The following MAD2L1BP variants were observed in gnomAD, a reference collection of about 807,000 sequenced individuals.
The protein encoded by MAD2L1BP is MAD2L1-binding protein.
MAD2L1BP carries 22 observed loss-of-function variants against 28.4 expected under a neutral mutation model. The ratio of observed to expected loss-of-function variants is 0.77; its 90% CI spans 0.55 to 1.10. The LOEUF is 1.10. MAD2L1BP is among the 50% of genes least tolerant of loss of function. The pLI is 0.00. For synonymous variants in MAD2L1BP, 146 were observed against 133.7 expected (o/e 1.09, Z -0.63); for missense variants, 325 against 350.5 (o/e 0.93, Z 0.58).
chr6:43,629,810 T>G (rs1160620578), intron 1 of MAD2L1BP: 19 of 1,555,490 alleles, frequency 1.2e-5, no homozygotes, highest in Non-Finnish European at 1.6e-5. Flanking sequence ...GGATGGTGAT[T>G]AGCCAAATTA....
chr6:43,634,306 G>A (rs1432407850), upstream of MAD2L1BP, among the ~76,000 whole-genome samples: 1 of 143,282 alleles, frequency 7.0e-6, no homozygotes, highest in East Asian at 2.0e-4. Context: ...TGTAAGTGTC[G>A]AACTCCTGGA....
At chr6:43,639,853 T>C (rs569462219) in intron 2 of MAD2L1BP, among the ~76,000 whole-genome samples, 168 bp from the exon 3 acceptor site, 1 of 152,366 alleles carries the variant, frequency 6.6e-6, no homozygotes, top group Admixed American at 6.5e-5. Context: ...ATATTTTCCT[T>C]TTCAGTATAA....
upstream of MAD2L1BP, among the ~76,000 whole-genome samples, chr6:43,635,153 C>T (rs1022106660): frequency 2.0e-5 from 3 of 152,200 alleles, no homozygotes; most frequent in African/African-American, 7.2e-5. Context: ...TTCAAGGCTT[C>T]CCCATCTGCC....
chr6:43,637,277 C>G (rs1201492899), intron 2 of MAD2L1BP, among the ~76,000 whole-genome samples: 1 of 151,856 alleles, frequency 6.6e-6, no homozygotes, highest in African/African-American at 2.4e-5. Flanking sequence ...GTTGACCAGG[C>G]TGGTCTCGAA....
chr6:43,640,254 C>G lies in MAD2L1BP; in HGVS notation c.546C>G (p.Ser182Arg). 6.2e-7 allele frequency: 1 copy of G among 1,613,870 alleles called. No homozygotes were observed. The highest frequency in any genetic ancestry group is 8.5e-7 in the Non-Finnish European group (1 of 1,179,934). ...CCTACAGCGTGGACCAGAGCCTGAG[C>G]ACAGCAGCTTGTTTGCGCCGTCTCT... is the stretch of plus-strand genomic sequence containing the variant. Reference protein sequence around the residue: ...LAPYSVDQSLSTAACLRRLFR... With the variant: ...LAPYSVDQSLRTAACLRRLFR... The change falls in exon 3 of 3, where the codon AGC becomes AGG. Residue 182 changes from serine (S) to arginine (R), a missense_variant. By Grantham distance (110) the Ser-to-Arg change is moderately radical. Coordinates refer to ENST00000372171, the MANE Select transcript of MAD2L1BP (RefSeq NM_014628.3).
intron 1 of MAD2L1BP, among the ~76,000 whole-genome samples, chr6:43,630,077 A>G (rs1043346331): frequency 6.6e-6 from 1 of 152,194 alleles, no homozygotes; most frequent in Non-Finnish European, 1.5e-5. Context: ...AGACTGTAGG[A>G]GGGGCCTGGC....
intron 2 of MAD2L1BP, among the ~76,000 whole-genome samples, chr6:43,637,152 TG>T (rs1344993200): frequency 6.6e-6 from 1 of 151,702 alleles, no homozygotes; most frequent in Non-Finnish European, 1.5e-5. Flanking sequence ...GCAGCCTCCA[TG>T]TCCCAGGTTC....
At chr6:43,634,138 T>C (rs977032162), upstream of MAD2L1BP, among the ~76,000 whole-genome samples, 1 of 152,020 alleles carries the variant, frequency 6.6e-6, no homozygotes, top group Non-Finnish European at 1.5e-5. Context: ...TCATCTTTTC[T>C]CCTACTCACC....
chr6:43,636,758 T>A lies in MAD2L1BP; in HGVS notation c.312+112T>A. ...TCAAAGCCTGAGAGAATAAGCAGCT[T>A]CCAGGGCTTCGGTCACTTTCTCCCC... is the stretch of plus-strand genomic sequence containing the variant. On this transcript the variant is annotated intron_variant, in intron 2 of 2. Coordinates refer to ENST00000372171, the MANE Select transcript of MAD2L1BP (RefSeq NM_014628.3). 5 of 1,288,094 alleles carry A rather than the reference T, an allele frequency of 3.9e-6. No individual in the cohort carries two copies. The South Asian group carries it at 7.1e-5, about 18-fold the overall frequency. The allele number at this position is 1,288,094 out of a possible 1,614,324, so 79.8% of individuals were successfully genotyped here.
chr6:43,640,169 T>C lies in MAD2L1BP; in HGVS notation c.461T>C (p.Leu154Pro), dbSNP rs757528593. The change falls in exon 3 of 3, where the codon CTT becomes CCT. Residue 154 changes from leucine (L) to proline (P), a missense_variant. Transcript: ENST00000372171. ...RTLVPRVLILLGGNALSPKEF... is the reference protein window; with the variant it reads ...RTLVPRVLILPGGNALSPKEF... The stretch of plus-strand genomic sequence containing the variant: ...CTAGTACCGCGAGTGCTGATTCTCC[T>C]TGGGGGCAATGCCCTAAGCCCCAAG... 3.1e-6 allele frequency: 5 copies of C among 1,613,440 alleles called. No homozygotes were observed. The highest frequency in any genetic ancestry group is 4.2e-6 in the Non-Finnish European group (5 of 1,179,538).
chr6:43,629,709 G>C, exon 1 of MAD2L1BP: 1 of 1,549,990 alleles, frequency 6.5e-7, no homozygotes, highest in Non-Finnish European at 8.7e-7. Flanking sequence ...TACTGGTGCC[G>C]CCAGCCTGCT....
At chr6:43,638,577 A>G (rs185553735) in intron 2 of MAD2L1BP, among the ~76,000 whole-genome samples, 105 of 151,562 alleles carry the variant, frequency 6.9e-4, no homozygotes, top group African/African-American at 2.4e-3. Flanking sequence ...CAGGCGAATC[A>G]CGAGGTCAGG....
rs1770513464 is a variant in MAD2L1BP at position 43,640,699 on chromosome 6, T to C, written c.*166T>C. 3 of 652,988 alleles carry C rather than the reference T, an allele frequency of 4.6e-6. No individual in the cohort carries two copies. Among genetic ancestry groups the C allele is most frequent in the East Asian group, 5.6e-5 (2 of 35,586 alleles). 40.4% of individuals were successfully genotyped at this position (652,988 alleles called of 1,614,324 possible). On this transcript the variant is annotated 3_prime_UTR_variant, in exon 3 of 3. Transcript: ENST00000372171. ...CAGATTTCCTGATAGGCTGATGGCA[T>C]GTGGCTGTGACTGTGACTGTAATCA... is the stretch of plus-strand genomic sequence containing the variant.
At position 43,635,889 on chromosome 6, in the gene MAD2L1BP, A is replaced by T; in HGVS notation, c.14A>T (p.Glu5Val). MAAPEAEVLSSAAVP... is the reference protein window; with the variant it reads MAAPVAEVLSSAAVP... ...GGGGAGGTCGTGATGGCGGCGCCGG[A>T]GGCGGAGGTTCTGTCCTCAGCCGCA... The change falls in exon 1 of 3, where the codon GAG (glutamate) becomes GTG (valine). Residue 5 changes from glutamate (E) to valine (V), a missense_variant. Transcript: ENST00000372171. The T allele has an allele frequency of 6.8e-7, 1 of 1,479,614 alleles. No individual in the cohort carries two copies. The highest frequency in any genetic ancestry group is 8.9e-7 in the Non-Finnish European group (1 of 1,121,778). 91.7% of individuals were successfully genotyped at this position (1,479,614 alleles called of 1,614,324 possible).
At chr6:43,634,554 TTTTTTTTC>T (rs1345977436), upstream of MAD2L1BP, among the ~76,000 whole-genome samples, 3 of 151,882 alleles carry the variant, frequency 2.0e-5, no homozygotes, top group South Asian at 2.1e-4. Context: ...AGTCTCTTTC[TTTTTTTTC>T]TTTTTTTCTT....
rs756338268 is a variant in MAD2L1BP at position 43,640,273 on chromosome 6, C to T, written c.565C>T (p.Arg189Cys). The change falls in exon 3 of 3, where the codon CGT becomes TGT. Residue 189 changes from arginine to cysteine, a missense_variant. Transcript: ENST00000372171. ...CCTGAGCACAGCAGCTTGTTTGCGC[C>T]GTCTCTTCCGAGCCATATTCATGGC... The part of the protein sequence containing the change: ...QSLSTAACLR[R>C]LFRAIFMADA... 5.3e-5 allele frequency: 86 copies of T among 1,613,280 alleles called. No individual in the cohort carries two copies. The highest frequency in any genetic ancestry group is 6.9e-5 in the Non-Finnish European group (81 of 1,179,802).
chr6:43,635,223 G>C (rs1055811238), upstream of MAD2L1BP, among the ~76,000 whole-genome samples: 1 of 152,186 alleles, frequency 6.6e-6, no homozygotes, highest in African/African-American at 2.4e-5. Flanking sequence ...TCTGGCTCCT[G>C]TTATTCACTA....
At position 43,636,131 on chromosome 6, in the gene MAD2L1BP, C is replaced by T. The variant is rs369132723; in HGVS notation, c.46+210C>T. The stretch of plus-strand genomic sequence containing the variant: ...TTTGACTCATTTCCCCAGATCAAGT[C>T]CCGCAGCTTTCTGAGCGGGGAGCCC... On this transcript the variant is annotated intron_variant, in intron 1 of 2. Transcript: ENST00000372171. Among the ~76,000 whole-genome samples, 45 of 152,306 alleles carry T rather than the reference C, an allele frequency of 3.0e-4. 1 individual carries two copies. The highest frequency in any genetic ancestry group is 1.1e-3 in the African/African-American group (44 of 41,566).
chr6:43,637,932 C>T (rs1422679966), intron 2 of MAD2L1BP, among the ~76,000 whole-genome samples: 1 of 148,662 alleles, frequency 6.7e-6, no homozygotes, highest in Non-Finnish European at 1.5e-5. Flanking sequence ...GAGTCTCGCT[C>T]TTGTGTGGCC....
Sources: gnomAD v4.1 joint callset for allele counts (sites outside exome capture counted in the v4.1 genomes callset) on GRCh38, gnomAD v4.1.1 for gene constraint, MANE v1.5 for transcripts, NCBI Gene and HGNC (gene_info 2026-07-23, HGNC 2026-07-21) for gene names.